ESD: variants seen among roughly 807,000 people sequenced by gnomAD.
ESD encodes esterase D.
A neutral mutation model predicts 38.1 loss-of-function variants in ESD; 34 were observed. The ratio of observed to expected loss-of-function variants is 0.89; its 90% confidence interval spans 0.68 to 1.19. The LOEUF is 1.19. Among genes scored for constraint, ESD ranks in the 50% most tolerant of loss-of-function variants. ESD has a pLI of 0.00. For missense variants in ESD, 334 were observed against 327.2 expected (o/e 1.02, Z -0.16); for synonymous variants, 97 against 107.0 (o/e 0.91, Z 0.58).
intron 3 of ESD, chr13:46,790,500 T>A (rs1368644618): frequency 6.6e-6 from 1 of 152,226 alleles, no homozygotes; most frequent in Non-Finnish European, 1.5e-5. Flanking sequence ...AAACTCAGTG[T>A]GCAAACTTTT....
chr13:46,783,261 C>G (rs1310075621), intron 5 of ESD, among the ~76,000 whole-genome samples: 2 of 151,936 alleles, frequency 1.3e-5, no homozygotes, highest in Non-Finnish European at 2.9e-5. Context: ...AACTTACTAT[C>G]TTGAACTGAA....
chr13:46,796,563 G>C (rs1420083684), intron 1 of ESD, among the ~76,000 whole-genome samples: 1 of 152,124 alleles, frequency 6.6e-6, no homozygotes, highest in Non-Finnish European at 1.5e-5. Flanking sequence ...TTTACGACCC[G>C]AACAGATTTT....
At chr13:46,787,664 C>T (rs1160371813) in intron 3 of ESD, among the ~76,000 whole-genome samples, 1 of 151,848 alleles carries the variant, frequency 6.6e-6, no homozygotes, top group Non-Finnish European at 1.5e-5. Flanking sequence ...TTTAAAACAT[C>T]ATATAAATGG....
chr13:46,777,405 A>G, intron 9 of ESD, 51 bp downstream of exon 9: 2 of 1,353,304 alleles, frequency 1.5e-6, no homozygotes, highest in Non-Finnish European at 2.0e-6. Flanking sequence ...CAGAATCCTA[A>G]TTTTTCATAG....
Position 46,787,010 on chromosome 13 carries a change from A to G in ESD, c.157+11T>C, listed in dbSNP as rs759218171. On this transcript the variant is annotated intron_variant, in intron 4 of 9. Transcript: ENST00000378720. ...AAACGACTTTATAAAACTCAAATGCATAATACTTACCTGAGAGCCAATACA... is the reference window on the plus strand; with the variant it reads ...AAACGACTTTATAAAACTCAAATGCGTAATACTTACCTGAGAGCCAATACA... 7.6e-6 allele frequency: 11 copies of G among 1,456,634 alleles called. No individual in the cohort carries two copies. The highest frequency in any genetic ancestry group is 7.5e-5 in the South Asian group (5 of 66,258). 90.2% of individuals were successfully genotyped at this position (1,456,634 alleles called of 1,614,324 possible).
intron 8 of ESD, 64 bp downstream of exon 8, chr13:46,779,871 G>T: frequency 7.8e-7 from 1 of 1,280,850 alleles, no homozygotes; most frequent in Non-Finnish European, 1.1e-6. Flanking sequence ...TATAATATAT[G>T]TCCAACCTTT....
At chr13:46,778,251 C>G (rs940040602) in intron 8 of ESD, among the ~76,000 whole-genome samples, 1 of 151,872 alleles carries the variant, frequency 6.6e-6, no homozygotes, top group Non-Finnish European at 1.5e-5. Flanking sequence ...TATGTTTTAT[C>G]ATCCACCTCG....
At chr13:46,792,613 A>G (rs1006833527) in intron 2 of ESD, among the ~76,000 whole-genome samples, 13 of 151,960 alleles carry the variant, frequency 8.6e-5, no homozygotes, top group African/African-American at 3.1e-4. Flanking sequence ...CTCATTTTTT[A>G]AGACACTTTA....
At chr13:46,789,737 CAACT>C (rs1241024477) in intron 3 of ESD, among the ~76,000 whole-genome samples, 1 of 151,888 alleles carries the variant, frequency 6.6e-6, no homozygotes, top group Non-Finnish European at 1.5e-5. Flanking sequence ...CTAGAATGTT[CAACT>C]AACCATTCTA....
chr13:46,786,574 G>A (rs1170203694), intron 4 of ESD, among the ~76,000 whole-genome samples: 1 of 151,970 alleles, frequency 6.6e-6, no homozygotes, highest in East Asian at 1.9e-4. Context: ...TGTTGTCAGA[G>A]AAGCTCTATG....
chr13:46,781,603 T>C lies in ESD; in HGVS notation c.394A>G (p.Ile132Val), dbSNP rs766702005. 1.5e-5 allele frequency: 24 copies of C among 1,607,272 alleles called. No individual in the cohort carries two copies. Among genetic ancestry groups the C allele is most frequent in the Non-Finnish European group, 2.0e-5 (24 of 1,175,318 alleles). ...GGATCCACTGGAAAATTGGCATTTATGAGTTGGGGAAGCTAGAAAAAATTT... is the reference window on the plus strand; with the variant it reads ...GGATCCACTGGAAAATTGGCATTTACGAGTTGGGGAAGCTAGAAAAAATTT... ...SYVTEELPQL[I>V]NANFPVDPQR... Residue 132 changes from isoleucine (I) to valine (V), a missense_variant, in exon 7 of 10, where the codon ATA (isoleucine) becomes GTA (valine). Transcript: ENST00000378720.
chr13:46,793,928 G>C (rs529484624), intron 1 of ESD, among the ~76,000 whole-genome samples: 1 of 152,170 alleles, frequency 6.6e-6, no homozygotes, highest in Non-Finnish European at 1.5e-5. Context: ...TGACTAGAAA[G>C]GATGTATAAG....
chr13:46,784,382 C>T (rs897115475), intron 4 of ESD, 32 bp from the exon 5 acceptor site: 1 of 1,438,284 alleles, frequency 7.0e-7, no homozygotes, highest in Non-Finnish European at 9.7e-7. Context: ...ATTGGGCACA[C>T]ATGGACATGA....
At chr13:46,779,140 AT>A (rs939963427) in intron 8 of ESD, among the ~76,000 whole-genome samples, 5 of 151,748 alleles carry the variant, frequency 3.3e-5, no homozygotes, top group African/African-American at 4.8e-5. Context: ...GGTCATTTTT[AT>A]TTCCACTTGA....
intron 1 of ESD, among the ~76,000 whole-genome samples, chr13:46,795,865 C>T (rs1177196531): frequency 1.3e-5 from 2 of 151,924 alleles, no homozygotes; most frequent in East Asian, 3.9e-4. Flanking sequence ...GGTGATCCTC[C>T]CGCCTCAGCC....
In ESD at chr13:46,771,503, G is replaced by T; in HGVS notation, c.769-7C>A. 6.5e-7 allele frequency: 1 copy of T among 1,544,254 alleles called. No homozygotes were observed. Among genetic ancestry groups the T allele is most frequent in the African/African-American group, 1.4e-5 (1 of 73,398 alleles). ...AGTAGCTATGATCATAACCCTAGAA[G>T]ATAAAGAGATGATAAGACATTTATC... On this transcript the variant is annotated splice_polypyrimidine_tract_variant and splice_region_variant and intron_variant, in intron 9 of 9. Transcript: ENST00000378720.
At chr13:46,785,877 G>A (rs1266532067) in intron 4 of ESD, among the ~76,000 whole-genome samples, 1 of 151,918 alleles carries the variant, frequency 6.6e-6, no homozygotes, top group Non-Finnish European at 1.5e-5. Flanking sequence ...GTTTAGCCAA[G>A]AGATATGACT....
intron 3 of ESD, among the ~76,000 whole-genome samples, chr13:46,788,903 T>TA (rs1252937606): frequency 1.3e-5 from 2 of 152,118 alleles, no homozygotes; most frequent in Non-Finnish European, 2.9e-5. Flanking sequence ...TCATCTACAT[T>TA]AAAAAAACCC....
At chr13:46,781,725 A>G (rs1875010386) in intron 6 of ESD, 110 bp from the exon 7 acceptor site, 1 of 1,023,772 alleles carries the variant, frequency 9.8e-7, no homozygotes, top group Non-Finnish European at 1.5e-6. Flanking sequence ...ATAGTCTTAC[A>G]ATGGTTTGAA....
Sources: allele counts gnomAD v4.1 joint callset (sites outside exome capture counted in the v4.1 genomes callset), GRCh38; gene constraint gnomAD v4.1.1; transcripts MANE v1.5; gene names NCBI Gene and HGNC (gene_info 2026-07-23, HGNC 2026-07-21).